Variants in KCNH1 observed in about 807,000 individuals in gnomAD.
The protein encoded by KCNH1 is voltage-gated delayed rectifier potassium channel KCNH1.
Under a neutral mutation model 69.2 loss-of-function variants are expected in KCNH1, and 27 were observed. The observed-to-expected ratio is 0.39, with a 90% CI of 0.29 to 0.54. KCNH1 has a LOEUF of 0.54. Among genes scored for constraint, KCNH1 ranks in the 20% least tolerant of loss-of-function variants. The pLI is 0.68. For missense variants in KCNH1, 798 were observed against 1,261.6 expected (o/e 0.63, Z 5.57); for synonymous variants, 456 against 487.7 (o/e 0.93, Z 0.86).
At chr1:210,760,564 AT>A (rs1303735775) in intron 10 of KCNH1, among the ~76,000 whole-genome samples, 7 of 152,202 alleles carry the variant, frequency 4.6e-5, no homozygotes, top group Non-Finnish European at 7.3e-5. Flanking sequence ...AAACAAACGA[AT>A]GTGTATTTGT....
intron 7 of KCNH1, among the ~76,000 whole-genome samples, chr1:210,910,654 G>A (rs1485438646): frequency 6.6e-6 from 1 of 152,234 alleles, no homozygotes; most frequent in Non-Finnish European, 1.5e-5. Flanking sequence ...TTCACAAGAA[G>A]GTTGACCGAA....
chr1:210,772,795 T>C (rs1413715134), intron 10 of KCNH1, among the ~76,000 whole-genome samples: 1 of 152,174 alleles, frequency 6.6e-6, no homozygotes, highest in Non-Finnish European at 1.5e-5. Context: ...AGACTTTTTA[T>C]ACTGTGCCAA....
intron 6 of KCNH1, among the ~76,000 whole-genome samples, chr1:210,983,196 G>A (rs2884391): frequency 0.92 from 140,326 of 152,074 alleles, 64,939 homozygotes; most frequent in East Asian, 1. Flanking sequence ...GTAGATTGCA[G>A]AAATGTTCTC....
At chr1:210,901,046 T>A (rs1037304612) in intron 7 of KCNH1, among the ~76,000 whole-genome samples, 8 of 152,220 alleles carry the variant, frequency 5.3e-5, no homozygotes, top group Admixed American at 1.3e-4. Flanking sequence ...TAGATCTATA[T>A]CTCTGACCAA....
intron 6 of KCNH1, among the ~76,000 whole-genome samples, chr1:210,952,131 C>G (rs989179069): frequency 1.3e-5 from 2 of 152,174 alleles, no homozygotes; most frequent in African/African-American, 2.4e-5. Flanking sequence ...CCTCCTCTCT[C>G]CCTCAGCACC....
At chr1:211,056,887 C>G (rs982048066) in intron 5 of KCNH1, among the ~76,000 whole-genome samples, 3 of 152,194 alleles carry the variant, frequency 2.0e-5, no homozygotes, top group Admixed American at 1.3e-4. Flanking sequence ...TCAAAACACC[C>G]AAATCCCTTT....
intron 9 of KCNH1, among the ~76,000 whole-genome samples, chr1:210,788,470 T>C (rs1017640943): frequency 6.6e-6 from 1 of 152,192 alleles, no homozygotes; most frequent in African/African-American, 2.4e-5. Flanking sequence ...TATAAAGTTA[T>C]GAAAATTTCC....
intron 5 of KCNH1, among the ~76,000 whole-genome samples, chr1:211,029,881 T>C (rs1399851617): frequency 1.3e-5 from 2 of 152,174 alleles, no homozygotes; most frequent in African/African-American, 2.4e-5. Flanking sequence ...ATTACTGTAT[T>C]TCTACACAAT....
intron 10 of KCNH1, among the ~76,000 whole-genome samples, chr1:210,717,311 G>A (rs1289165161): frequency 1.3e-5 from 2 of 152,202 alleles, no homozygotes; most frequent in Non-Finnish European, 2.9e-5. Context: ...GGCTATAAGC[G>A]GCATCAGCCA....
At chr1:210,845,231 G>A (rs1375358620) in intron 7 of KCNH1, among the ~76,000 whole-genome samples, 1 of 152,140 alleles carries the variant, frequency 6.6e-6, no homozygotes, top group African/African-American at 2.4e-5. Context: ...CATTTTATGA[G>A]GCCAGCATCA....
At chr1:210,963,307 A>G (rs1688332647) in intron 6 of KCNH1, among the ~76,000 whole-genome samples, 1 of 152,182 alleles carries the variant, frequency 6.6e-6, no homozygotes, top group African/African-American at 2.4e-5. Flanking sequence ...GTCCAAAGGT[A>G]GATAAATCCA....
rs567133516 is a variant in KCNH1 at position 210,783,868 on chromosome 1, C to T, written c.1916-8324G>A. Among the ~76,000 whole-genome samples the T allele has an allele frequency of 6.6e-5, 10 of 152,272 alleles. No homozygotes were observed. In the South Asian group the frequency reaches 8.3e-4, roughly 13 times the overall value. On this transcript the variant is annotated intron_variant, in intron 9 of 10. Transcript: ENST00000271751. ...GCCAATTCAGGAGTCCATGGTCCAG[C>T]GGGTCAGTACAATATGTTGACCTCT...
intron 7 of KCNH1, among the ~76,000 whole-genome samples, chr1:210,907,439 C>T (rs1687124438): frequency 1.3e-5 from 2 of 151,692 alleles, no homozygotes; most frequent in Admixed American, 6.6e-5. Context: ...GGGTGAGATT[C>T]TGCATGAGGA....
chr1:210,972,988 T>G (rs1296381163), intron 6 of KCNH1, among the ~76,000 whole-genome samples: 1 of 151,942 alleles, frequency 6.6e-6, no homozygotes, highest in Non-Finnish European at 1.5e-5. Flanking sequence ...TTCTACCCTT[T>G]GTCATGAGGC....
At chr1:210,714,367 G>A (rs780586373) in intron 10 of KCNH1, among the ~76,000 whole-genome samples, 1 of 152,162 alleles carries the variant, frequency 6.6e-6, no homozygotes, top group African/African-American at 2.4e-5. Flanking sequence ...TGGGATAGGT[G>A]CTCATGAAAC....
chr1:210,727,542 G>A (rs1682629859), intron 10 of KCNH1, among the ~76,000 whole-genome samples: 1 of 152,046 alleles, frequency 6.6e-6, no homozygotes, highest in African/African-American at 2.4e-5. Context: ...AGTGGGTAGG[G>A]TGTGTTTAAC....
intron 7 of KCNH1, among the ~76,000 whole-genome samples, chr1:210,888,310 C>T (rs146995890): frequency 0.011 from 1,689 of 151,970 alleles, 37 homozygotes; most frequent in African/African-American, 0.038. Context: ...GAATGACTAC[C>T]GGGTAAACAA....
At chr1:210,931,370 C>G (rs905935158) in intron 6 of KCNH1, among the ~76,000 whole-genome samples, 1 of 152,056 alleles carries the variant, frequency 6.6e-6, no homozygotes, top group Non-Finnish European at 1.5e-5. Flanking sequence ...TTCACAGCAA[C>G]CTGGATGGAA....
chr1:210,906,641 T>C (rs1331232680), intron 7 of KCNH1, among the ~76,000 whole-genome samples: 2 of 152,220 alleles, frequency 1.3e-5, no homozygotes, highest in African/African-American at 4.8e-5. Context: ...CCAAATGGCC[T>C]GTCCATAATA....
Sources: allele counts gnomAD v4.1 joint callset (sites outside exome capture counted in the v4.1 genomes callset), GRCh38; gene constraint gnomAD v4.1.1; transcripts MANE v1.5; gene names NCBI Gene and HGNC (gene_info 2026-07-23, HGNC 2026-07-21).